Variants in MACROD2 observed in about 807,000 individuals in gnomAD.
MACROD2 encodes the protein ADP-ribose glycohydrolase MACROD2.
In MACROD2, 36 loss-of-function variants were observed where a neutral mutation model predicts 70.4. That is an observed-to-expected ratio of 0.51 (90% confidence interval 0.39 to 0.68). The LOEUF is 0.68. Ranked by LOEUF, MACROD2 falls within the 30% of genes least tolerant of loss-of-function variation. MACROD2 has a pLI of 0.00. For synonymous variants in MACROD2, 172 were observed against 178.8 expected (o/e 0.96, Z 0.30); for missense variants, 496 against 538.4 (o/e 0.92, Z 0.78).
chr20:15,057,202 A>G (rs1035957735), intron 5 of MACROD2, among the ~76,000 whole-genome samples: 8 of 152,234 alleles, frequency 5.3e-5, no homozygotes, highest in African/African-American at 1.2e-4. Context: ...AATTTTATTA[A>G]AGTAACTTTT....
At chr20:14,355,695 A>G (rs980434683) in intron 3 of MACROD2, among the ~76,000 whole-genome samples, 14 of 152,344 alleles carry the variant, frequency 9.2e-5, no homozygotes, top group African/African-American at 3.1e-4. Context: ...GAAAGAAACT[A>G]TCAAAATGTT....
chr20:14,821,855 C>T (rs2072848755), intron 5 of MACROD2, among the ~76,000 whole-genome samples: 1 of 152,068 alleles, frequency 6.6e-6, no homozygotes. Flanking sequence ...TGAGTAAAGC[C>T]TGCCAGTGTA....
At chr20:14,351,295 G>A (rs1881285437) in intron 3 of MACROD2, among the ~76,000 whole-genome samples, 1 of 151,798 alleles carries the variant, frequency 6.6e-6, no homozygotes, top group Non-Finnish European at 1.5e-5. Context: ...TGTCATTGGT[G>A]TTTTGATAGA....
At chr20:15,642,441 T>C (rs2049474228) in intron 8 of MACROD2, among the ~76,000 whole-genome samples, 1 of 152,150 alleles carries the variant, frequency 6.6e-6, no homozygotes, top group Non-Finnish European at 1.5e-5. Flanking sequence ...TGAGTGTTTT[T>C]AATGGTACAC....
intron 5 of MACROD2, among the ~76,000 whole-genome samples, chr20:14,903,509 T>A (rs953602033): frequency 3.3e-5 from 5 of 152,152 alleles, no homozygotes; most frequent in Non-Finnish European, 7.4e-5. Flanking sequence ...TTAATTTGAA[T>A]ACATAATTTA....
At chr20:14,462,644 C>A (rs924239036) in intron 3 of MACROD2, among the ~76,000 whole-genome samples, 14 of 152,174 alleles carry the variant, frequency 9.2e-5, no homozygotes, top group African/African-American at 3.4e-4. Context: ...CCTAGCTTTT[C>A]TTCTAGGGTT....
intron 3 of MACROD2, among the ~76,000 whole-genome samples, chr20:14,231,514 C>T (rs991313913): frequency 6.6e-6 from 1 of 152,070 alleles, no homozygotes; most frequent in Admixed American, 6.6e-5. Flanking sequence ...GTATATGTGC[C>T]ACATTTTCTT....
intron 4 of MACROD2, among the ~76,000 whole-genome samples, chr20:14,532,920 G>T (rs1440401461): frequency 1.3e-5 from 2 of 152,096 alleles, no homozygotes; most frequent in Non-Finnish European, 2.9e-5. Flanking sequence ...TTTCAGCCTT[G>T]TATGAAGGGC....
rs1413793352 is a variant in MACROD2, at chr20:14,005,462, G to C, written c.163+3058G>C. ...CATTTGTCAGTTGCTATGTTGTGGG[G>C]ATTTTAAAATTCTTGTCTCTCCTAT... On this transcript the variant is annotated intron_variant, in intron 2 of 17. Transcript: ENST00000684519. 5.3e-5 allele frequency among the ~76,000 whole-genome samples: 8 copies of C among 152,092 alleles called. No individual in the cohort carries two copies. The East Asian group carries it at 1.5e-3, about 29-fold the overall frequency.
intron 8 of MACROD2, among the ~76,000 whole-genome samples, chr20:15,519,105 TCC>T (rs2047612168): frequency 1.3e-5 from 2 of 148,394 alleles, no homozygotes; most frequent in African/African-American, 5.0e-5. Flanking sequence ...CTTCCTTCCT[TCC>T]TTCCTTCCTT....
intron 8 of MACROD2, among the ~76,000 whole-genome samples, chr20:15,650,927 T>C (rs1055099843): frequency 2.0e-5 from 3 of 152,238 alleles, no homozygotes; most frequent in Non-Finnish European, 2.9e-5. Context: ...CTTATCCTTA[T>C]GGAACTGGAC....
chr20:15,207,502 G>T (rs1483042020), intron 5 of MACROD2, among the ~76,000 whole-genome samples: 1 of 140,886 alleles, frequency 7.1e-6, no homozygotes, highest in Non-Finnish European at 1.5e-5. Context: ...CAGTGCAGTG[G>T]CATGATCTCA....
chr20:14,276,565 C>G (rs887926799), intron 3 of MACROD2, among the ~76,000 whole-genome samples: 1 of 151,200 alleles, frequency 6.6e-6, no homozygotes, highest in African/African-American at 2.4e-5. Flanking sequence ...CAGCATGGCA[C>G]ATGTTTACAT....
chr20:14,810,680 T>A (rs967433630), intron 5 of MACROD2, among the ~76,000 whole-genome samples: 10 of 152,184 alleles, frequency 6.6e-5, no homozygotes, highest in African/African-American at 2.4e-4. Context: ...TGATTGTATA[T>A]TTAGAAAACC....
chr20:14,330,358 G>C (rs1704204993), intron 3 of MACROD2, among the ~76,000 whole-genome samples: 1 of 151,934 alleles, frequency 6.6e-6, no homozygotes, highest in African/African-American at 2.4e-5. Context: ...ATATATGTAG[G>C]GAACATTTGA....
At chr20:15,975,657 C>T (rs1210675089) in intron 13 of MACROD2, among the ~76,000 whole-genome samples, 1 of 152,158 alleles carries the variant, frequency 6.6e-6, no homozygotes, top group African/African-American at 2.4e-5. Context: ...CATATGTCTG[C>T]ATCTGTGTGT....
chr20:14,089,656 A>G (rs2054122755), intron 3 of MACROD2, among the ~76,000 whole-genome samples: 1 of 152,190 alleles, frequency 6.6e-6, no homozygotes, highest in Non-Finnish European at 1.5e-5. Flanking sequence ...AATAAAACAG[A>G]TTTTGCAGGC....
At chr20:14,513,711 G>A (rs1600324385) in intron 4 of MACROD2, among the ~76,000 whole-genome samples, 1 of 152,080 alleles carries the variant, frequency 6.6e-6, no homozygotes, top group East Asian at 1.9e-4. Flanking sequence ...GTTATGTTTA[G>A]ATGGCTCCCA....
rs1358708696 is a variant in MACROD2 at position 15,270,528 on chromosome 20, G to C, written c.540+40467G>C. Among the ~76,000 whole-genome samples the C allele has an allele frequency of 2.6e-5, 4 of 152,054 alleles. No individual in the cohort carries two copies. In the East Asian group the frequency reaches 7.7e-4, roughly 29 times the overall value. ...ACTGTTCTGCATCCTGATTATAGTG[G>C]TGGTTACATGAACCTATTTGTGTGT... On this transcript the variant is annotated intron_variant, in intron 6 of 17. Coordinates refer to ENST00000684519, the MANE Select transcript of MACROD2 (RefSeq NM_001351661.2).
Sources: allele counts gnomAD v4.1 joint callset (sites outside exome capture counted in the v4.1 genomes callset), GRCh38; gene constraint gnomAD v4.1.1; transcripts MANE v1.5; gene names NCBI Gene and HGNC (gene_info 2026-07-23, HGNC 2026-07-21).